USP45: variants seen among roughly 807,000 people sequenced by gnomAD.
USP45 encodes ubiquitin specific peptidase 45, also known as ubiquitin carboxyl-terminal hydrolase 45.
A neutral mutation model predicts 95.8 loss-of-function variants in USP45; 89 were observed. The observed-to-expected ratio is 0.93, with a 90% CI of 0.78 to 1.11. The LOEUF (loss-of-function observed/expected upper bound fraction) is 1.11, where lower values mean the gene tolerates loss of function less well. Ranked by LOEUF, USP45 falls within the 50% of genes least tolerant of loss-of-function variation. The probability of loss-of-function intolerance (pLI) is 0.00; values close to 1 mark genes in which losing one functional copy is unlikely to be tolerated. For missense variants in USP45, 898 were observed against 942.5 expected, an observed-to-expected ratio of 0.95 and a Z score of 0.62; for synonymous variants, 281 against 316.2, an observed-to-expected ratio of 0.89 and a Z score of 1.18.
chr6:99,484,312 T>G (rs909203134), intron 7 of USP45, among the ~76,000 whole-genome samples: 3 of 151,298 alleles, frequency 2.0e-5, no homozygotes. Context: ...GGACTACAGA[T>G]GAATGCCAGC....
chr6:99,438,187 G>A (rs1780864828), intron 16 of USP45, among the ~76,000 whole-genome samples: 1 of 152,120 alleles, frequency 6.6e-6, no homozygotes, highest in South Asian at 2.1e-4. Flanking sequence ...AGAGTATTAT[G>A]CTGCTTGAAA....
At chr6:99,510,445 C>T (rs1026668226) in intron 1 of USP45, among the ~76,000 whole-genome samples, 10 of 152,034 alleles carry the variant, frequency 6.6e-5, no homozygotes, top group Admixed American at 6.5e-4. Flanking sequence ...CCAACTATAC[C>T]ATTATGGACT....
chr6:99,496,485 TAATA>T (rs1264125112), intron 5 of USP45, among the ~76,000 whole-genome samples: 33 of 152,254 alleles, frequency 2.2e-4, no homozygotes, highest in East Asian at 5.8e-4. Context: ...AGCATGAGCT[TAATA>T]AATTCAGCAG....
intron 17 of USP45, among the ~76,000 whole-genome samples, chr6:99,436,971 C>T (rs531040129): frequency 4.6e-5 from 7 of 152,098 alleles, no homozygotes; most frequent in East Asian, 1.9e-4. Flanking sequence ...TGTGGTAGCA[C>T]GTGCCTGTAA....
chr6:99,470,438 AT>A (rs1789126193), intron 9 of USP45, among the ~76,000 whole-genome samples: 1 of 152,212 alleles, frequency 6.6e-6, no homozygotes, highest in South Asian at 2.1e-4. Flanking sequence ...TTAACACATT[AT>A]ATTTCCTATA....
At chr6:99,443,742 TATC>T in intron 14 of USP45, 80 bp from the exon 15 acceptor site, 5 of 884,532 alleles carry the variant, frequency 5.7e-6, no homozygotes, top group Non-Finnish European at 8.3e-6. Context: ...TATACAGAAG[TATC>T]ATACCACATT....
At chr6:99,454,415 G>A (rs890676170) in intron 13 of USP45, among the ~76,000 whole-genome samples, 1 of 152,102 alleles carries the variant, frequency 6.6e-6, no homozygotes, top group Non-Finnish European at 1.5e-5. Flanking sequence ...ATTTTATGGA[G>A]ACCTCAAAAG....
intron 13 of USP45, among the ~76,000 whole-genome samples, chr6:99,458,299 G>A (rs13200647): frequency 0.15 from 22,361 of 152,172 alleles, 2,361 homozygotes; most frequent in Non-Finnish European, 0.21. Context: ...GATTACAGGC[G>A]TGAGCCACCG....
chr6:99,479,587 A>G (rs1171158682), intron 8 of USP45, among the ~76,000 whole-genome samples: 2 of 119,268 alleles, frequency 1.7e-5, no homozygotes, highest in Non-Finnish European at 3.4e-5. Context: ...AATACAATTT[A>G]CTATTCCAAC....
At chr6:99,481,728 C>G (rs1482917260) in intron 8 of USP45, among the ~76,000 whole-genome samples, 8 of 152,112 alleles carry the variant, frequency 5.3e-5, no homozygotes, top group African/African-American at 1.9e-4. Flanking sequence ...TCCATGAGTA[C>G]CCAATGTTTA....
chr6:99,500,789 C>G (rs186098805), intron 5 of USP45, among the ~76,000 whole-genome samples: 2 of 152,142 alleles, frequency 1.3e-5, no homozygotes, highest in African/African-American at 2.4e-5. Context: ...TGCTGCAGAA[C>G]AGAATTCAAT....
chr6:99,443,984 TGAA>T, intron 14 of USP45, among the ~76,000 whole-genome samples: 1 of 152,198 alleles, frequency 6.6e-6, no homozygotes, highest in South Asian at 2.1e-4. Flanking sequence ...CACGTGTAGT[TGAA>T]GAATTTGGGT....
chr6:99,512,077 CT>C (rs1800014887), intron 1 of USP45, among the ~76,000 whole-genome samples: 1 of 151,850 alleles, frequency 6.6e-6, no homozygotes, highest in African/African-American at 2.4e-5. Flanking sequence ...CCTAAATTGT[CT>C]TCTATAGCTG....
At chr6:99,490,426 C>T (rs1226994119) in intron 5 of USP45, among the ~76,000 whole-genome samples, 1 of 151,966 alleles carries the variant, frequency 6.6e-6, no homozygotes, top group East Asian at 1.9e-4. Flanking sequence ...GTGATCCACC[C>T]ACCTCGGGCT....
At chr6:99,471,690 G>C (rs1789436211) in intron 9 of USP45, among the ~76,000 whole-genome samples, 1 of 152,168 alleles carries the variant, frequency 6.6e-6, no homozygotes, top group South Asian at 2.1e-4. Flanking sequence ...TTGTAGTTCA[G>C]AAAAGACTTT....
At chr6:99,448,912 C>T (rs1021434277) in intron 13 of USP45, among the ~76,000 whole-genome samples, 2 of 152,156 alleles carry the variant, frequency 1.3e-5, no homozygotes, top group Non-Finnish European at 2.9e-5. Context: ...ATTTCATATC[C>T]AGCCAAACTA....
intron 4 of USP45, 61 bp downstream of exon 4, chr6:99,507,367 G>GAA (rs11410603): frequency 0.069 from 51,585 of 743,840 alleles, no homozygotes; most frequent in South Asian, 0.12. Flanking sequence ...AAAGCTTAAA[G>GAA]AAAAAAAAAA....
At chr6:99,489,116 C>T (rs1794624527) in intron 5 of USP45, among the ~76,000 whole-genome samples, 1 of 152,114 alleles carries the variant, frequency 6.6e-6, no homozygotes, top group Non-Finnish European at 1.5e-5. Context: ...AAAGGTCTAA[C>T]TTCTAAATAC....
intron 17 of USP45, 46 bp from the exon 18 acceptor site, chr6:99,435,892 G>C: frequency 1.3e-6 from 2 of 1,548,272 alleles, no homozygotes; most frequent in Non-Finnish European, 1.7e-6. Flanking sequence ...GTATGCTTTA[G>C]GTTCTTACTC....
Sources: gnomAD v4.1 joint callset for allele counts (sites outside exome capture counted in the v4.1 genomes callset) on GRCh38, gnomAD v4.1.1 for gene constraint, MANE v1.5 for transcripts, NCBI Gene and HGNC (gene_info 2026-07-23, HGNC 2026-07-21) for gene names.